The following FBXL17 variants were observed in gnomAD, a reference collection of about 807,000 sequenced individuals.
FBXL17 encodes the protein F-box/LRR-repeat protein 17.
Under a neutral mutation model 66.2 loss-of-function variants are expected in FBXL17, and 22 were observed. The ratio of observed to expected loss-of-function variants is 0.33; its 90% CI spans 0.24 to 0.47. The LOEUF is 0.47. FBXL17 is among the 20% of genes least tolerant of loss of function. FBXL17 has a pLI of 1.00. For missense variants in FBXL17, 878 were observed against 948.2 expected, an observed-to-expected ratio of 0.93 and a Z score of 0.97; for synonymous variants, 474 against 400.5, an observed-to-expected ratio of 1.18 and a Z score of -2.19.
intron 6 of FBXL17, among the ~76,000 whole-genome samples, chr5:108,120,941 A>C (rs982450507): frequency 6.6e-6 from 1 of 152,218 alleles, no homozygotes; most frequent in Non-Finnish European, 1.5e-5. Context: ...AGAACCAAAA[A>C]CAGAACAAAG....
Position 107,861,610 on chromosome 5 carries a change from C to T in FBXL17, c.*110G>A, listed in dbSNP as rs931810950. 26 of 1,018,916 alleles carry T rather than the reference C, an allele frequency of 2.6e-5. No individual in the cohort carries two copies. The highest frequency in any genetic ancestry group is 7.8e-6 in the Non-Finnish European group (6 of 766,188). The allele number at this position is 1,018,916 out of a possible 1,614,324, so 63.1% of individuals were successfully genotyped here. A position where few individuals can be genotyped will look rare whatever the true frequency, so the allele number is the denominator to read the frequency against. On this transcript the variant is annotated 3_prime_UTR_variant, in exon 9 of 9. Transcript: ENST00000542267. ...CAAGACACAAATACACATACTTGAA[C>T]ACACACAGACAGGTGACAGTTAAAA...
At chr5:107,999,197 GT>G (rs1413139908) in intron 7 of FBXL17, among the ~76,000 whole-genome samples, 1 of 152,150 alleles carries the variant, frequency 6.6e-6, no homozygotes, top group South Asian at 2.1e-4. Flanking sequence ...GACAGAGTGA[GT>G]AGGATGAAAA....
At chr5:108,072,561 A>G (rs954300529) in intron 6 of FBXL17, among the ~76,000 whole-genome samples, 27 of 152,176 alleles carry the variant, frequency 1.8e-4, no homozygotes, top group Admixed American at 1.2e-3. Context: ...TAAAAAAATT[A>G]GCCGGGCGTG....
intron 6 of FBXL17, among the ~76,000 whole-genome samples, chr5:108,030,970 G>T (rs2112784386): frequency 6.6e-6 from 1 of 152,168 alleles, no homozygotes; most frequent in Non-Finnish European, 1.5e-5. Context: ...TTATTGAAAG[G>T]TAAGCACAGA....
chr5:107,978,975 C>T (rs927209623), intron 7 of FBXL17, among the ~76,000 whole-genome samples: 2 of 152,138 alleles, frequency 1.3e-5, no homozygotes, highest in Admixed American at 6.6e-5. Flanking sequence ...AGTTTAAATT[C>T]TGGGTTTTAC....
chr5:108,159,519 G>A (rs1270897453), intron 6 of FBXL17, among the ~76,000 whole-genome samples: 1 of 152,152 alleles, frequency 6.6e-6, no homozygotes, highest in Non-Finnish European at 1.5e-5. Context: ...CCCCAAAGAG[G>A]TAGTTCCTTC....
intron 4 of FBXL17, among the ~76,000 whole-genome samples, chr5:108,260,879 C>A (rs1292947520): frequency 6.6e-6 from 1 of 152,090 alleles, no homozygotes; most frequent in Non-Finnish European, 1.5e-5. Context: ...TCGCATTTTA[C>A]ATAACTGAAA....
At chr5:108,161,029 T>G (rs1043465034) in intron 6 of FBXL17, among the ~76,000 whole-genome samples, 1 of 152,112 alleles carries the variant, frequency 6.6e-6, no homozygotes, top group East Asian at 1.9e-4. Flanking sequence ...TGGGAAACAC[T>G]AGGTTCCTGG....
chr5:107,921,938 G>C (rs1166986120), intron 7 of FBXL17, among the ~76,000 whole-genome samples: 1 of 152,196 alleles, frequency 6.6e-6, no homozygotes, highest in Non-Finnish European at 1.5e-5. Flanking sequence ...CTGAAACGTG[G>C]ATACCAAAGC....
chr5:108,130,701 A>AT (rs1018986287), intron 6 of FBXL17, among the ~76,000 whole-genome samples: 2 of 151,900 alleles, frequency 1.3e-5, no homozygotes, highest in Non-Finnish European at 2.9e-5. Flanking sequence ...ATCCTACTTT[A>AT]TTTTTTTAAC....
intron 6 of FBXL17, among the ~76,000 whole-genome samples, chr5:108,059,244 T>C (rs1413810377): frequency 6.6e-6 from 1 of 152,104 alleles, no homozygotes; most frequent in Non-Finnish European, 1.5e-5. Flanking sequence ...TTTCTCAAGG[T>C]TCAGACCTGT....
intron 6 of FBXL17, among the ~76,000 whole-genome samples, chr5:108,075,478 T>C (rs1228647039): frequency 6.6e-6 from 1 of 152,104 alleles, no homozygotes; most frequent in African/African-American, 2.4e-5. Context: ...GAATCCCGTG[T>C]TGTTTGTTTT....
chr5:107,908,654 G>A (rs895827812), intron 7 of FBXL17, among the ~76,000 whole-genome samples: 1 of 152,154 alleles, frequency 6.6e-6, no homozygotes, highest in East Asian at 1.9e-4. Context: ...CTATGAGCAG[G>A]GCCACTGAAG....
At chr5:108,360,844 C>T (rs1325021581) in intron 3 of FBXL17, among the ~76,000 whole-genome samples, 2 of 152,092 alleles carry the variant, frequency 1.3e-5, no homozygotes, top group Non-Finnish European at 2.9e-5. Context: ...CTTCCACCTG[C>T]TCACTTCGGC....
chr5:108,104,415 TAAAG>T (rs1421171553), intron 6 of FBXL17, among the ~76,000 whole-genome samples: 1 of 152,134 alleles, frequency 6.6e-6, no homozygotes, highest in Non-Finnish European at 1.5e-5. Flanking sequence ...ATAGTGAAAA[TAAAG>T]AAGTCAATCC....
intron 7 of FBXL17, among the ~76,000 whole-genome samples, chr5:107,982,830 C>A (rs1752876875): frequency 6.6e-6 from 1 of 152,124 alleles, no homozygotes; most frequent in Non-Finnish European, 1.5e-5. Flanking sequence ...CCATTATAAT[C>A]AAGACTTGAG....
chr5:108,021,456 A>G (rs542544520), intron 6 of FBXL17, among the ~76,000 whole-genome samples: 5 of 151,390 alleles, frequency 3.3e-5, no homozygotes, highest in African/African-American at 1.2e-4. Context: ...ATTCAACATA[A>G]TATCAAATAT....
Position 108,186,198 on chromosome 5 carries a change from T to C in FBXL17, c.1664A>G (p.Asn555Ser). 6.2e-7 allele frequency: 1 copy of C among 1,612,788 alleles called. No individual in the cohort carries two copies. The highest frequency in any genetic ancestry group is 8.5e-7 in the Non-Finnish European group (1 of 1,178,926). ...CTTGACAATTTCCATCACGGTTTCA[T>C]TATCCAGTTCAGTGATATGACGTAG... ...LDLRHITELD[N>S]ETVMEIVKRC... Residue 555 changes from asparagine to serine, a missense_variant, in exon 6 of 9, where the codon AAT (asparagine) becomes AGT (serine). Transcript: ENST00000542267.
rs571159765 is a variant in FBXL17, at chr5:107,903,627, A to G, written c.1823-22448T>C. Among the ~76,000 whole-genome samples, 11 of 152,302 alleles carry G rather than the reference A, an allele frequency of 7.2e-5. No homozygotes were observed. In the East Asian group the frequency reaches 1.5e-3, roughly 21 times the overall value. Reference sequence around the variant, plus strand: ...GCCTGGTCCAGAAGCCTGTATTCTTATATCAAAGAACTGTGGTGGGACATC... The same window carrying G: ...GCCTGGTCCAGAAGCCTGTATTCTTGTATCAAAGAACTGTGGTGGGACATC... On this transcript the variant is annotated intron_variant, in intron 7 of 8. Transcript: ENST00000542267.
Sources: gnomAD v4.1 joint callset for allele counts (sites outside exome capture counted in the v4.1 genomes callset) on GRCh38, gnomAD v4.1.1 for gene constraint, MANE v1.5 for transcripts, NCBI Gene and HGNC (gene_info 2026-07-23, HGNC 2026-07-21) for gene names.